Variants in TTLL10 observed in about 807,000 individuals in gnomAD.
TTLL10 encodes the protein inactive polyglycylase TTLL10.
Under a neutral mutation model 69.0 loss-of-function variants are expected in TTLL10, and 61 were observed. The observed-to-expected ratio is 0.88, with a 90% CI of 0.72 to 1.09. TTLL10 has a LOEUF of 1.09. Ranked by LOEUF, TTLL10 falls within the 50% of genes least tolerant of loss-of-function variation. The pLI is 0.00. For missense variants in TTLL10, 962 were observed against 945.9 expected (o/e 1.02, Z -0.22); for synonymous variants, 408 against 393.3 (o/e 1.04, Z -0.44).
intron 3 of TTLL10, chr1:1,175,725 G>C (rs1267919555): frequency 2.2e-6 from 1 of 454,714 alleles, no homozygotes; most frequent in South Asian, 1.6e-5. Flanking sequence ...CGAGGCTGCT[G>C]CTCCCAGCTG....
rs370985312 is a variant in TTLL10, at chr1:1,183,904, G to T, written c.1089-16G>T. On this transcript the variant is annotated splice_polypyrimidine_tract_variant and intron_variant, in intron 11 of 15. Coordinates refer to ENST00000379289, the MANE Select transcript of TTLL10 (RefSeq NM_001130045.2). Reference sequence around the variant, plus strand: ...CCCCGTGGCTCAGCCCAGCAGCCCCGACATGGTGCCCCCAGGTACATCCAG... The same window carrying T: ...CCCCGTGGCTCAGCCCAGCAGCCCCTACATGGTGCCCCCAGGTACATCCAG... 1.2e-6 allele frequency: 2 copies of T among 1,613,946 alleles called. No homozygotes were observed. The highest frequency in any genetic ancestry group is 4.5e-5 in the East Asian group (2 of 44,882).
intron 13 of TTLL10, among the ~76,000 whole-genome samples, chr1:1,194,957 G>A (rs947818375): frequency 1.3e-5 from 2 of 152,074 alleles, no homozygotes; most frequent in Admixed American, 1.3e-4. Context: ...CCACCCACAA[G>A]TCTCTGAGGC....
chr1:1,177,855 G>A (rs1467321299), intron 3 of TTLL10, among the ~76,000 whole-genome samples: 1 of 152,234 alleles, frequency 6.6e-6, no homozygotes, highest in Non-Finnish European at 1.5e-5. Context: ...TCTGGGTGGG[G>A]AGGGGTCTCA....
chr1:1,184,755 C>A (rs1233822723), intron 12 of TTLL10, among the ~76,000 whole-genome samples: 1 of 118,310 alleles, frequency 8.5e-6, no homozygotes, highest in Non-Finnish European at 1.9e-5. Flanking sequence ...GCCCCCAGTT[C>A]ATGCAGAAGC....
chr1:1,193,454 T>G (rs1286222872), intron 13 of TTLL10, among the ~76,000 whole-genome samples: 1 of 152,164 alleles, frequency 6.6e-6, no homozygotes, highest in Non-Finnish European at 1.5e-5. Context: ...TTTAGAGAGA[T>G]ATTTTCTAGT....
At position 1,185,376 on chromosome 1, in the gene TTLL10, AG is replaced by A. The variant is rs1242775937; in HGVS notation, c.1401+271del. 1 of 1,324,170 alleles carries A rather than the reference AG, an allele frequency of 7.6e-7. No homozygotes were observed. The highest frequency in any genetic ancestry group is 9.6e-7 in the Non-Finnish European group (1 of 1,038,928). The allele number at this position is 1,324,170 out of a possible 1,614,324, so 82.0% of individuals were successfully genotyped here. On this transcript the variant is annotated intron_variant, in intron 13 of 15. Coordinates refer to ENST00000379289, the MANE Select transcript of TTLL10 (RefSeq NM_001130045.2). This position sits in a 1 kb window ranked among gnomAD's most constrained non-coding sequence, Gnocchi z 6.1. ...CCGCGGGCAGCCTCGCCGTAGGGTCAGGGGACAGCTCGGCTTCAGTGACAGC... is the reference window on the plus strand; with the variant it reads ...CCGCGGGCAGCCTCGCCGTAGGGTCAGGGACAGCTCGGCTTCAGTGACAGC...
At chr1:1,188,744 T>C (rs1278974054) in intron 13 of TTLL10, among the ~76,000 whole-genome samples, 1 of 152,112 alleles carries the variant, frequency 6.6e-6, no homozygotes. Flanking sequence ...AATCTGTAAG[T>C]CACGTAGCAG....
chr1:1,185,279 G>A lies in TTLL10; in HGVS notation c.1401+170G>A. 3 of 1,416,880 alleles carry A rather than the reference G, an allele frequency of 2.1e-6. No individual in the cohort carries two copies. The highest frequency in any genetic ancestry group is 2.8e-6 in the Non-Finnish European group (3 of 1,087,926). 87.8% of individuals were successfully genotyped at this position (1,416,880 alleles called of 1,614,324 possible). On this transcript the variant is annotated intron_variant, in intron 13 of 15. Transcript: ENST00000379289. The surrounding 1 kb of genome is among the most constrained non-coding windows in gnomAD (Gnocchi z 6.1). ...TTCCAGCGTCTCTGCTCACTTAGCT[G>A]GCAGTGCCTGTCCCCAGCAGCCAGC...
intron 13 of TTLL10, among the ~76,000 whole-genome samples, chr1:1,191,010 G>A: frequency 6.6e-6 from 1 of 151,974 alleles, no homozygotes; most frequent in East Asian, 1.9e-4. Context: ...TGTATTATTA[G>A]TAGAGATGGG....
intron 3 of TTLL10, chr1:1,174,733 G>C (rs1325037613): frequency 6.6e-6 from 1 of 152,222 alleles, no homozygotes; most frequent in African/African-American, 2.4e-5. Context: ...CAGGCGTGAG[G>C]AGCCAGCGGC....
rs1647269930 is a variant in TTLL10 at position 1,185,738 on chromosome 1, C to T, written c.1401+629C>T. On this transcript the variant is annotated intron_variant, in intron 13 of 15. Coordinates refer to ENST00000379289, the MANE Select transcript of TTLL10 (RefSeq NM_001130045.2). This position sits in a 1 kb window ranked among gnomAD's most constrained non-coding sequence, Gnocchi z 6.1. Reference sequence around the variant, plus strand: ...AGCAGCCAGGGATGGTCCTTCCTCACCCACAGGCGTGTGTCACTGTGGCTG... The same window carrying T: ...AGCAGCCAGGGATGGTCCTTCCTCATCCACAGGCGTGTGTCACTGTGGCTG... The T allele has an allele frequency of 1.0e-6, 1 of 985,544 alleles. No homozygotes were observed. The highest frequency in any genetic ancestry group is 1.7e-5 in the African/African-American group (1 of 57,372). The allele number at this position is 985,544 out of a possible 1,614,324, so 61.0% of individuals were successfully genotyped here. A position where few individuals can be genotyped will look rare whatever the true frequency, so the allele number is the denominator to read the frequency against.
intron 13 of TTLL10, among the ~76,000 whole-genome samples, chr1:1,186,081 CCTTTT>C (rs1034053076): frequency 6.7e-5 from 10 of 149,878 alleles, no homozygotes; most frequent in East Asian, 2.1e-4. Flanking sequence ...GTTCACGTAT[CCTTTT>C]CTTTTCTTTT....
In TTLL10 at chr1:1,181,490, G is replaced by A. The variant is rs903021173; in HGVS notation, c.756-251G>A. Among the ~76,000 whole-genome samples, 12 of 151,846 alleles carry A rather than the reference G, an allele frequency of 7.9e-5. No homozygotes were observed. Among genetic ancestry groups the A allele is most frequent in the Non-Finnish European group, 7.4e-5 (5 of 67,916 alleles). On this transcript the variant is annotated intron_variant, in intron 8 of 15. Coordinates refer to ENST00000379289, the MANE Select transcript of TTLL10 (RefSeq NM_001130045.2). This position sits in a 1 kb window ranked among gnomAD's most constrained non-coding sequence, Gnocchi z 4.6. ...GCACCAAGCACCCGCCCAGCCAACC[G>A]CAGCTGCCTCCATCTGCACCCCCCG...
chr1:1,180,498 C>G lies in TTLL10; in HGVS notation c.522C>G (p.Cys174Trp). ...SNGATIISSY[C>W]KSKGWQRIHD... is the part of the protein sequence containing the mutation. ...CCCCTCGCAGCATCAGCTCCTACTG[C>G]AAAAGCAAGGGCTGGCAGCGCATCC... The change falls in exon 7 of 16, where the codon TGC becomes TGG. Residue 174 changes from cysteine (C) to tryptophan (W), a missense_variant. Coordinates refer to ENST00000379289, the MANE Select transcript of TTLL10 (RefSeq NM_001130045.2). The G allele has an allele frequency of 6.4e-7, 1 of 1,552,164 alleles. No homozygotes were observed.
At position 1,191,333 on chromosome 1, in the gene TTLL10, T is replaced by C. The variant is rs1303689984; in HGVS notation, c.1402-5267T>C. 2.0e-5 allele frequency among the ~76,000 whole-genome samples: 3 copies of C among 152,294 alleles called. 1 individual carries two copies. The highest frequency in any genetic ancestry group is 7.2e-5 in the African/African-American group (3 of 41,554). On this transcript the variant is annotated intron_variant, in intron 13 of 15. Transcript: ENST00000379289. ...TGGAGCTGGTGTGTTGGCACATACC[T>C]GTAATTCCAGCTACTCAGGAGGCTG...
intron 13 of TTLL10, among the ~76,000 whole-genome samples, chr1:1,190,761 T>C (rs1398085442): frequency 3.3e-5 from 5 of 152,238 alleles, no homozygotes; most frequent in Admixed American, 6.5e-5. Context: ...ACCACCACTT[T>C]TGCTGCATCC....
chr1:1,182,769 G>A (rs1381792852), intron 10 of TTLL10, 107 bp from the exon 11 acceptor site: 46 of 1,427,216 alleles, frequency 3.2e-5, no homozygotes, highest in Non-Finnish European at 4.3e-5. Context: ...AGGTTGGAAT[G>A]GCCGGGCCGA....
intron 13 of TTLL10, among the ~76,000 whole-genome samples, chr1:1,193,967 G>A (rs181225639): frequency 6.7e-6 from 1 of 150,092 alleles, no homozygotes; most frequent in Admixed American, 6.6e-5. Context: ...AAAGCAGCCT[G>A]GGCAACATAG....
intron 13 of TTLL10, among the ~76,000 whole-genome samples, chr1:1,188,733 G>C (rs1301584752): frequency 1.3e-5 from 2 of 152,080 alleles, no homozygotes; most frequent in Non-Finnish European, 2.9e-5. Context: ...GCATTGCATT[G>C]AATCTGTAAG....
Sources: gnomAD v4.1 joint callset for allele counts (sites outside exome capture counted in the v4.1 genomes callset) on GRCh38, gnomAD v4.1.1 for gene constraint, Gnocchi (gnomAD v3.1) non-coding constraint, MANE v1.5 for transcripts, NCBI Gene and HGNC (gene_info 2026-07-23, HGNC 2026-07-21) for gene names.